Variants in RNF212B observed in about 807,000 individuals in gnomAD.
RNF212B encodes the protein E3 ubiquitin-protein ligase RNF212B.
RNF212B carries 52 observed loss-of-function variants against 55.5 expected under a neutral mutation model. That is an observed-to-expected ratio of 0.94 (90% confidence interval 0.75 to 1.18). The LOEUF is 1.18. Ranked by LOEUF, RNF212B falls within the 50% of genes most tolerant of loss-of-function variation. The pLI, the probability that RNF212B is intolerant of heterozygous loss-of-function variation, is 0.00. For missense variants in RNF212B, 289 were observed against 350.4 expected, an observed-to-expected ratio of 0.82 and a Z score of 1.40; for synonymous variants, 99 against 121.4, an observed-to-expected ratio of 0.82 and a Z score of 1.21.
At chr14:23,226,812 C>T (rs114237040) in intron 2 of RNF212B, among the ~76,000 whole-genome samples, 21,010 of 128,700 alleles carry the variant, frequency 0.16, 1,769 homozygotes, top group Non-Finnish European at 0.19. Context: ...TCTTCTTCTT[C>T]TTTTTTTTTT....
At chr14:23,248,981 A>G (rs1450411621) in intron 4 of RNF212B, among the ~76,000 whole-genome samples, 1 of 152,156 alleles carries the variant, frequency 6.6e-6, no homozygotes, top group East Asian at 1.9e-4. Context: ...GGAAGCAGCC[A>G]TAGACAGCAT....
chr14:23,207,315 A>T (rs1879944298), intron 2 of RNF212B, among the ~76,000 whole-genome samples: 1 of 152,196 alleles, frequency 6.6e-6, no homozygotes, highest in African/African-American at 2.4e-5. Context: ...CTCAGGCTGT[A>T]GACTGCTCTC....
chr14:23,222,383 A>G (rs995628294), intron 2 of RNF212B, among the ~76,000 whole-genome samples: 3 of 152,186 alleles, frequency 2.0e-5, no homozygotes, highest in Non-Finnish European at 4.4e-5. Flanking sequence ...TGGAAAATCT[A>G]GAAGAAATGG....
At chr14:23,235,514 A>T (rs1883036005), upstream of RNF212B, among the ~76,000 whole-genome samples, 1 of 152,194 alleles carries the variant, frequency 6.6e-6, no homozygotes, top group Non-Finnish European at 1.5e-5. Flanking sequence ...AATAAACAAA[A>T]CTGCCTTGCC....
intron 2 of RNF212B, among the ~76,000 whole-genome samples, chr14:23,198,745 T>C (rs1336307062): frequency 6.6e-6 from 1 of 151,966 alleles, no homozygotes; most frequent in African/African-American, 2.4e-5. Context: ...TCATGGTATA[T>C]GGGTTAATAG....
chr14:23,265,195 T>C (rs1268120293), intron 11 of RNF212B, among the ~76,000 whole-genome samples: 2 of 152,204 alleles, frequency 1.3e-5, no homozygotes, highest in Non-Finnish European at 1.5e-5. Context: ...TGATAGAAAG[T>C]CATTGAAAAC....
chr14:23,234,748 T>C (rs1228017194), upstream of RNF212B, among the ~76,000 whole-genome samples: 3 of 152,252 alleles, frequency 2.0e-5, no homozygotes, highest in East Asian at 5.8e-4. Flanking sequence ...CACATGGCAC[T>C]AAAATATTTT....
At chr14:23,256,315 C>G (rs897140026) in intron 4 of RNF212B, among the ~76,000 whole-genome samples, 1 of 151,990 alleles carries the variant, frequency 6.6e-6, no homozygotes, top group Non-Finnish European at 1.5e-5. Context: ...TCCTACCCCC[C>G]TGCCATTTTA....
intron 4 of RNF212B, among the ~76,000 whole-genome samples, chr14:23,246,631 T>C (rs1884000512): frequency 6.6e-6 from 1 of 152,200 alleles, no homozygotes; most frequent in African/African-American, 2.4e-5. Context: ...TCTTGCTATA[T>C]TGCCCAGGCT....
chr14:23,260,508 G>T (rs1885214175), intron 6 of RNF212B, 151 bp from the exon 7 acceptor site: 2 of 696,392 alleles, frequency 2.9e-6, no homozygotes, highest in Non-Finnish European at 5.1e-6. Context: ...ATATCCTAAG[G>T]AAATACTGCT....
chr14:23,225,216 A>G (rs959838779), intron 2 of RNF212B, among the ~76,000 whole-genome samples: 1 of 152,232 alleles, frequency 6.6e-6, no homozygotes, highest in Non-Finnish European at 1.5e-5. Context: ...GGGAATGTAA[A>G]TTAGTACAGC....
chr14:23,233,741 CAAAAAAA>C (rs761783082), upstream of RNF212B, among the ~76,000 whole-genome samples: 1 of 77,584 alleles, frequency 1.3e-5, no homozygotes, highest in African/African-American at 4.9e-5. Context: ...GACCCTGTCT[CAAAAAAA>C]AAAAAAAAAA....
At chr14:23,216,099 A>G (rs1393347484) in intron 2 of RNF212B, among the ~76,000 whole-genome samples, 1 of 152,074 alleles carries the variant, frequency 6.6e-6, no homozygotes, top group African/African-American at 2.4e-5. Context: ...AAAAAAAATT[A>G]GCTGAGTGTG....
At chr14:23,221,233 GAA>G (rs71119004) in intron 2 of RNF212B, among the ~76,000 whole-genome samples, 1 of 116,098 alleles carries the variant, frequency 8.6e-6, no homozygotes. Context: ...CTGAAAATAG[GAA>G]AAAAAAAAAA....
intron 4 of RNF212B, among the ~76,000 whole-genome samples, chr14:23,256,479 C>T (rs1884844060): frequency 6.6e-6 from 1 of 151,660 alleles, no homozygotes; most frequent in South Asian, 2.1e-4. Flanking sequence ...TCAAGTGATT[C>T]TCCTGCCTCA....
At chr14:23,210,902 A>G (rs544398565) in intron 2 of RNF212B, among the ~76,000 whole-genome samples, 1 of 152,264 alleles carries the variant, frequency 6.6e-6, no homozygotes, top group Non-Finnish European at 1.5e-5. Flanking sequence ...AATTATTCCA[A>G]AATAAAAAGC....
At chr14:23,246,946 G>A (rs545577860) in intron 4 of RNF212B, among the ~76,000 whole-genome samples, 8 of 152,190 alleles carry the variant, frequency 5.3e-5, no homozygotes, top group African/African-American at 1.7e-4. Context: ...TTCGAGACCA[G>A]CCTGACCAAC....
chr14:23,265,751 A>G (rs948653823), intron 11 of RNF212B, among the ~76,000 whole-genome samples: 1 of 151,976 alleles, frequency 6.6e-6, no homozygotes, highest in African/African-American at 2.4e-5. Context: ...TACTTCTTCT[A>G]TTATCTGTTT....
intron 1 of RNF212B, among the ~76,000 whole-genome samples, chr14:23,192,965 G>A (rs1248119716): frequency 6.6e-6 from 1 of 151,890 alleles, no homozygotes; most frequent in East Asian, 1.9e-4. Context: ...GGTGGCACAT[G>A]CCTGTAATCC....
Sources: allele counts gnomAD v4.1 joint callset (sites outside exome capture counted in the v4.1 genomes callset), GRCh38; gene constraint gnomAD v4.1.1; transcripts MANE v1.5; gene names NCBI Gene and HGNC (gene_info 2026-07-23, HGNC 2026-07-21).